Variants in NAALADL2 observed in about 807,000 individuals in gnomAD.
The protein encoded by NAALADL2 is inactive N-acetylated-alpha-linked acidic dipeptidase-like protein 2.
A neutral mutation model predicts 87.2 loss-of-function variants in NAALADL2; 76 were observed. The observed-to-expected ratio is 0.87, with a 90% CI of 0.72 to 1.05. NAALADL2 has a LOEUF of 1.05. Ranked by LOEUF, NAALADL2 falls within the 50% of genes least tolerant of loss-of-function variation. The pLI, the probability that NAALADL2 is intolerant of heterozygous loss-of-function variation, is 0.00. For missense variants in NAALADL2, 1,089 were observed against 945.8 expected, an observed-to-expected ratio of 1.15 and a Z score of -1.99; for synonymous variants, 354 against 331.0, an observed-to-expected ratio of 1.07 and a Z score of -0.75.
intron 1 of NAALADL2, among the ~76,000 whole-genome samples, chr3:174,975,771 T>A (rs191579394): frequency 6.5e-4 from 99 of 152,292 alleles, no homozygotes; most frequent in African/African-American, 2.2e-3. Flanking sequence ...GGGTGACTAC[T>A]TACTGAGAGC....
intron 2 of NAALADL2, among the ~76,000 whole-genome samples, chr3:174,706,776 C>T (rs1030672592): frequency 1.2e-4 from 18 of 152,254 alleles, no homozygotes; most frequent in Middle Eastern, 6.8e-3. Flanking sequence ...TTAGGTCTAA[C>T]ATTTAAGTCT....
chr3:174,507,264 A>G (rs1719256023), intron 1 of NAALADL2, among the ~76,000 whole-genome samples: 1 of 152,114 alleles, frequency 6.6e-6, no homozygotes, highest in African/African-American at 2.4e-5. Context: ...AAAATGCTTC[A>G]CTTACAAAAG....
intron 9 of NAALADL2, among the ~76,000 whole-genome samples, chr3:175,551,151 G>A (rs1413637272): frequency 1.3e-5 from 2 of 151,986 alleles, no homozygotes; most frequent in South Asian, 4.1e-4. Context: ...AGGTGATTGT[G>A]AATTTGGCTA....
intron 1 of NAALADL2, among the ~76,000 whole-genome samples, chr3:175,005,255 T>C (rs1748860902): frequency 6.6e-6 from 1 of 152,158 alleles, no homozygotes. Context: ...GTTAATAACT[T>C]ATTCAAGGTC....
At chr3:175,065,929 C>A (rs1714453242) in intron 1 of NAALADL2, among the ~76,000 whole-genome samples, 1 of 152,158 alleles carries the variant, frequency 6.6e-6, no homozygotes, top group Admixed American at 6.5e-5. Context: ...AGGTCAGAGA[C>A]CCTCTCACAT....
chr3:175,711,023 T>C (rs6791907), intron 11 of NAALADL2, among the ~76,000 whole-genome samples: 27,756 of 151,794 alleles, frequency 0.18, 2,621 homozygotes, highest in African/African-American at 0.23. Context: ...ACCTCCAAAA[T>C]ACAAAGATAT....
At chr3:175,304,426 T>A (rs1190153231) in intron 4 of NAALADL2, among the ~76,000 whole-genome samples, 2 of 152,220 alleles carry the variant, frequency 1.3e-5, no homozygotes, top group African/African-American at 4.8e-5. Flanking sequence ...AAACCCTGTA[T>A]GCAAGTCTGG....
intron 3 of NAALADL2, among the ~76,000 whole-genome samples, chr3:174,783,042 C>T (rs1716185014): frequency 6.6e-6 from 1 of 152,150 alleles, no homozygotes; most frequent in Non-Finnish European, 1.5e-5. Context: ...TTCTAGGTTG[C>T]ATCCATATTC....
chr3:175,194,514 A>G (rs1188200026), intron 2 of NAALADL2, among the ~76,000 whole-genome samples: 1 of 151,900 alleles, frequency 6.6e-6, no homozygotes, highest in Admixed American at 6.6e-5. Flanking sequence ...CTATATGGAA[A>G]CATAGATATA....
At chr3:175,196,923 G>T (rs920639172) in intron 2 of NAALADL2, among the ~76,000 whole-genome samples, 1 of 151,734 alleles carries the variant, frequency 6.6e-6, no homozygotes, top group Admixed American at 6.6e-5. Context: ...AGCAATTTTG[G>T]CATCACTAGT....
At position 175,780,283 on chromosome 3, in the gene NAALADL2, A is replaced by T. The variant is rs189198126; in HGVS notation, c.2190-22722A>T. ...AGAGCGAGACTCTGTCTCAAAAAAAAAAAACCAATAAAAAGAATTTTTCCT... is the reference window on the plus strand; with the variant it reads ...AGAGCGAGACTCTGTCTCAAAAAAATAAAACCAATAAAAAGAATTTTTCCT... On this transcript the variant is annotated intron_variant, in intron 13 of 13. Coordinates refer to ENST00000454872, the MANE Select transcript of NAALADL2 (RefSeq NM_207015.3). Among the ~76,000 whole-genome samples the T allele has an allele frequency of 1.8e-3, 280 of 152,020 alleles. 4 individuals are homozygous for T. The highest frequency in any genetic ancestry group is 3.3e-3 in the South Asian group (16 of 4,814).
intron 5 of NAALADL2, among the ~76,000 whole-genome samples, chr3:175,405,498 T>A (rs1354292763): frequency 6.6e-6 from 1 of 152,164 alleles, no homozygotes; most frequent in Non-Finnish European, 1.5e-5. Flanking sequence ...AAATATGAAA[T>A]TTTCCATAAA....
chr3:175,516,366 G>C (rs916375453), intron 9 of NAALADL2, among the ~76,000 whole-genome samples: 1 of 152,218 alleles, frequency 6.6e-6, no homozygotes, highest in African/African-American at 2.4e-5. Flanking sequence ...GAGTAGAGAA[G>C]AGTTGACATC....
At chr3:174,896,352 A>G (rs754763003) in intron 1 of NAALADL2, among the ~76,000 whole-genome samples, 4 of 152,184 alleles carry the variant, frequency 2.6e-5, no homozygotes, top group Non-Finnish European at 4.4e-5. Flanking sequence ...TAAAAAATCA[A>G]TATACATTTT....
chr3:174,596,653 G>A (rs1717940684), intron 2 of NAALADL2, among the ~76,000 whole-genome samples: 1 of 152,122 alleles, frequency 6.6e-6, no homozygotes, highest in African/African-American at 2.4e-5. Context: ...TTTACTTCCT[G>A]TCCTTAACTG....
At chr3:174,959,590 G>C (rs551859378) in intron 1 of NAALADL2, among the ~76,000 whole-genome samples, 1 of 152,098 alleles carries the variant, frequency 6.6e-6, no homozygotes, top group East Asian at 1.9e-4. Flanking sequence ...ATTAAATGAT[G>C]ATCTGGGAAA....
intron 3 of NAALADL2, among the ~76,000 whole-genome samples, chr3:174,842,806 C>T (rs940090694): frequency 8.6e-5 from 13 of 151,708 alleles, no homozygotes; most frequent in South Asian, 4.2e-4. Flanking sequence ...TATGTGTGTG[C>T]GTGTCTTAAC....
At chr3:174,461,860 A>G (rs914269005) in intron 1 of NAALADL2, among the ~76,000 whole-genome samples, 4 of 151,974 alleles carry the variant, frequency 2.6e-5, no homozygotes, top group African/African-American at 9.7e-5. Flanking sequence ...AATGTGTGTG[A>G]GTTTATTGTT....
intron 2 of NAALADL2, among the ~76,000 whole-genome samples, chr3:174,565,464 T>A (rs1714145201): frequency 6.6e-6 from 1 of 152,088 alleles, no homozygotes; most frequent in Non-Finnish European, 1.5e-5. Context: ...TTTAGATATA[T>A]GTACTTAAGT....
Sources: gnomAD v4.1 joint callset for allele counts (sites outside exome capture counted in the v4.1 genomes callset) on GRCh38, gnomAD v4.1.1 for gene constraint, MANE v1.5 for transcripts, NCBI Gene and HGNC (gene_info 2026-07-23, HGNC 2026-07-21) for gene names.